GPI: variants seen among roughly 807,000 people sequenced by gnomAD.
The protein encoded by GPI is D-hexose-6-phosphate anomerase.
In GPI, 56 loss-of-function variants were observed where a neutral mutation model predicts 75.8. The ratio of observed to expected loss-of-function variants is 0.74; its 90% CI spans 0.60 to 0.92. The LOEUF is 0.92. Among genes scored for constraint, GPI ranks in the 40% least tolerant of loss-of-function variants. The probability of loss-of-function intolerance (pLI) is 0.00; values close to 1 mark genes in which losing one functional copy is unlikely to be tolerated. For synonymous variants in GPI, 288 were observed against 285.4 expected (o/e 1.01, Z -0.09); for missense variants, 638 against 741.0 (o/e 0.86, Z 1.61).
chr19:34,374,327 C>T (rs1239530654), intron 4 of GPI, among the ~76,000 whole-genome samples: 1 of 152,080 alleles, frequency 6.6e-6, no homozygotes, highest in Non-Finnish European at 1.5e-5. Flanking sequence ...TACAGATCAG[C>T]TCTGGTCATC....
chr19:34,376,893 CAA>C (rs1317124990), intron 4 of GPI, among the ~76,000 whole-genome samples: 6 of 151,632 alleles, frequency 4.0e-5, no homozygotes. Flanking sequence ...ACTAAAAATA[CAA>C]AAAAATTAGC....
intron 1 of GPI, chr19:34,365,833 G>C (rs1201541729): frequency 2.1e-6 from 1 of 471,932 alleles, no homozygotes; most frequent in East Asian, 6.6e-5. Context: ...TGAGGGAGCT[G>C]GGTGGAAGGA....
chr19:34,381,749 C>T (rs965363260), intron 9 of GPI, among the ~76,000 whole-genome samples: 4 of 152,128 alleles, frequency 2.6e-5, no homozygotes, highest in Non-Finnish European at 4.4e-5. Context: ...ACATGACACT[C>T]CCTTGGGTGC....
intron 9 of GPI, among the ~76,000 whole-genome samples, chr19:34,389,058 A>G (rs935127148): frequency 6.6e-6 from 1 of 151,882 alleles, no homozygotes; most frequent in African/African-American, 2.4e-5. Context: ...ATGCCACTGC[A>G]CTCCACCTGG....
chr19:34,391,150 C>G (rs1404018685), intron 9 of GPI, among the ~76,000 whole-genome samples: 1 of 66,226 alleles, frequency 1.5e-5, no homozygotes, highest in Non-Finnish European at 3.4e-5. Flanking sequence ...GAGATAGCAT[C>G]TGGCACAGGT....
upstream of GPI, among the ~76,000 whole-genome samples, chr19:34,361,454 C>G (rs1347328773): frequency 6.6e-6 from 1 of 152,102 alleles, no homozygotes; most frequent in African/African-American, 2.4e-5. Context: ...CTTCATAGGA[C>G]TGCCATGAGG....
intron 14 of GPI, chr19:34,398,883 T>G (rs2074981535): frequency 4.7e-6 from 1 of 213,210 alleles, no homozygotes; most frequent in Middle Eastern, 2.0e-3. Flanking sequence ...TTTTTTGGTA[T>G]TTTTAGTAGA....
chr19:34,382,376 A>G (rs2074668480), intron 9 of GPI, among the ~76,000 whole-genome samples: 1 of 152,172 alleles, frequency 6.6e-6, no homozygotes, highest in Admixed American at 6.5e-5. Flanking sequence ...AAAGCTCTAA[A>G]GGCCTTTTAC....
intron 9 of GPI, among the ~76,000 whole-genome samples, chr19:34,383,132 TG>T (rs1280325417): frequency 6.6e-6 from 1 of 151,886 alleles, no homozygotes; most frequent in Non-Finnish European, 1.5e-5. Context: ...GCGGCAGCCA[TG>T]GGTGTCGGGA....
chr19:34,367,326 T>C (rs956898171), intron 3 of GPI, among the ~76,000 whole-genome samples: 8 of 152,140 alleles, frequency 5.3e-5, no homozygotes, highest in African/African-American at 1.9e-4. Context: ...GCACCCAGAC[T>C]CTGTCCTCAT....
chr19:34,397,860 G>A (rs1283895853), intron 14 of GPI: 1 of 149,230 alleles, frequency 6.7e-6, no homozygotes, highest in Non-Finnish European at 1.5e-5. Context: ...AGATAATCCA[G>A]GAAAATCTCC....
intron 3 of GPI, among the ~76,000 whole-genome samples, chr19:34,367,484 C>T (rs959948646): frequency 1.3e-5 from 2 of 152,186 alleles, no homozygotes; most frequent in Admixed American, 6.5e-5. Context: ...AGGATGCAAT[C>T]AAGGAAGGCT....
intron 4 of GPI, among the ~76,000 whole-genome samples, chr19:34,375,677 G>T (rs944163629): frequency 6.6e-6 from 1 of 152,172 alleles, no homozygotes; most frequent in Non-Finnish European, 1.5e-5. Context: ...GTTCGCTGCC[G>T]CGTGGGCTTC....
At chr19:34,379,385 C>T (rs2074605508) in intron 7 of GPI, 133 bp from the exon 8 acceptor site, 1 of 858,822 alleles carries the variant, frequency 1.2e-6, no homozygotes, top group Non-Finnish European at 2.0e-6. Context: ...CGATGTGGGC[C>T]TTCTCCAACA....
At chr19:34,379,994 T>G (rs1164575920) in intron 8 of GPI, 1 of 194,872 alleles carries the variant, frequency 5.1e-6, no homozygotes, top group East Asian at 1.4e-4. Context: ...GGTTTTGTTT[T>G]TTTTTTTTTT....
intron 9 of GPI, among the ~76,000 whole-genome samples, chr19:34,386,703 T>C (rs902007831): frequency 5.9e-5 from 9 of 152,146 alleles, no homozygotes; most frequent in African/African-American, 2.2e-4. Context: ...GGCCCCTAAG[T>C]TAGACGTGGG....
intron 4 of GPI, among the ~76,000 whole-genome samples, chr19:34,373,388 CA>C (rs756488685): frequency 0.031 from 3,531 of 112,654 alleles, 58 homozygotes; most frequent in African/African-American, 0.071. Flanking sequence ...GACTCTGTCT[CA>C]AAAAAAAAAA....
intron 3 of GPI, chr19:34,367,085 T>C (rs2074378537): frequency 7.3e-6 from 5 of 680,900 alleles, no homozygotes; most frequent in Non-Finnish European, 1.1e-5. Context: ...GGGAGGAGCA[T>C]ATCTCATACC....
At chr19:34,372,421 T>G (rs1291083831) in intron 4 of GPI, among the ~76,000 whole-genome samples, 1 of 152,158 alleles carries the variant, frequency 6.6e-6, no homozygotes, top group Non-Finnish European at 1.5e-5. Context: ...GCAAGAGGAT[T>G]GCTTGAGGCC....
Sources: gnomAD v4.1 joint callset for allele counts (sites outside exome capture counted in the v4.1 genomes callset) on GRCh38, gnomAD v4.1.1 for gene constraint, MANE v1.5 for transcripts, NCBI Gene and HGNC (gene_info 2026-07-23, HGNC 2026-07-21) for gene names.